Variants in SVIL observed in about 807,000 individuals in gnomAD.
SVIL encodes the protein supervillin, also known as archvillin.
Under a neutral mutation model 240.4 loss-of-function variants are expected in SVIL, and 101 were observed. That is an observed-to-expected ratio of 0.42 (90% CI 0.36 to 0.50). SVIL has a LOEUF of 0.50. SVIL is among the 20% of genes least tolerant of loss of function. The probability of loss-of-function intolerance (pLI) is 0.01; values close to 1 mark genes in which losing one functional copy is unlikely to be tolerated. For synonymous variants in SVIL, 999 were observed against 1,100.0 expected (o/e 0.91, Z 1.82); for missense variants, 2,512 against 2,818.7 (o/e 0.89, Z 2.46).
At chr10:29,653,468 C>G (rs917839294) in intron 3 of SVIL, among the ~76,000 whole-genome samples, 1 of 152,172 alleles carries the variant, frequency 6.6e-6, no homozygotes, top group African/African-American at 2.4e-5. Context: ...ATTACCCAGT[C>G]TCAGGTAGTT....
At chr10:29,667,083 T>C (rs970566113) in intron 2 of SVIL, among the ~76,000 whole-genome samples, 4 of 152,148 alleles carry the variant, frequency 2.6e-5, no homozygotes, top group African/African-American at 9.7e-5. Context: ...CAGGTGTTTC[T>C]TCTTTTTTTC....
At chr10:29,672,375 T>C (rs1959845848) in intron 2 of SVIL, among the ~76,000 whole-genome samples, 1 of 152,002 alleles carries the variant, frequency 6.6e-6, no homozygotes, top group Admixed American at 6.5e-5. Context: ...TAACCAGAAA[T>C]GCCATCCTGG....
At chr10:29,656,396 G>A (rs1354287878) in intron 3 of SVIL, among the ~76,000 whole-genome samples, 1 of 151,504 alleles carries the variant, frequency 6.6e-6, no homozygotes, top group Non-Finnish European at 1.5e-5. Context: ...CTCCATTCAT[G>A]CAACCACAGA....
intron 3 of SVIL, among the ~76,000 whole-genome samples, chr10:29,562,778 A>G (rs1054042205): frequency 8.7e-5 from 13 of 149,048 alleles, no homozygotes; most frequent in African/African-American, 2.7e-4. Flanking sequence ...AGAAAAAAAA[A>G]AAAAAAAAAA....
At chr10:29,590,269 T>A (rs1956339874) in intron 1 of SVIL, among the ~76,000 whole-genome samples, 1 of 150,930 alleles carries the variant, frequency 6.6e-6, no homozygotes, top group Non-Finnish European at 1.5e-5. Flanking sequence ...CCAGACCTCC[T>A]GTCCCGTGGC....
chr10:29,623,271 G>T (rs1039097135), intron 1 of SVIL, among the ~76,000 whole-genome samples: 12 of 152,220 alleles, frequency 7.9e-5, no homozygotes, highest in African/African-American at 2.9e-4. Flanking sequence ...TCCAACAAAA[G>T]GGGCCACTGC....
intron 16 of SVIL, among the ~76,000 whole-genome samples, chr10:29,517,631 C>A (rs1250817317): frequency 6.6e-6 from 1 of 152,050 alleles, no homozygotes. Flanking sequence ...GGGGCGGGGG[C>A]CGGCAGGCGG....
chr10:29,510,952 G>T (rs1479450948), intron 17 of SVIL, among the ~76,000 whole-genome samples: 1 of 121,080 alleles, frequency 8.3e-6, no homozygotes, highest in Admixed American at 8.2e-5. Flanking sequence ...GGGCTACAAA[G>T]GCCTAAAATA....
At chr10:29,563,953 T>C (rs1954740081) in intron 2 of SVIL, among the ~76,000 whole-genome samples, 1 of 152,030 alleles carries the variant, frequency 6.6e-6, no homozygotes, top group Admixed American at 6.6e-5. Context: ...TCTCCCCATG[T>C]ATCCCCCAGG....
intron 1 of SVIL, among the ~76,000 whole-genome samples, chr10:29,699,665 C>T (rs920371712): frequency 6.6e-6 from 1 of 152,166 alleles, no homozygotes; most frequent in Non-Finnish European, 1.5e-5. Context: ...CTCACAAAGA[C>T]GTTTTGCTTT....
In SVIL at chr10:29,634,935, G is replaced by A. The variant is rs956794275; in HGVS notation, c.-716C>T. ...CTGGGCAAATCCACATGAAACCTGA[G>A]GACACTTCAGCCTGGGGAGGACGCA... On this transcript the variant is annotated 5_prime_UTR_variant, in exon 1 of 38. Transcript: ENST00000355867. 2 of 152,164 alleles carry A rather than the reference G, an allele frequency of 1.3e-5. No individual in the cohort carries two copies. Among genetic ancestry groups the A allele is most frequent in the Admixed American group, 1.3e-4 (2 of 15,272 alleles). 9.4% of individuals were successfully genotyped at this position (152,164 alleles called of 1,614,324 possible).
upstream of SVIL, among the ~76,000 whole-genome samples, chr10:29,638,013 T>C (rs1031697886): frequency 6.6e-6 from 1 of 152,084 alleles, no homozygotes; most frequent in African/African-American, 2.4e-5. Flanking sequence ...TCTGGAACTC[T>C]TCTATTGGAT....
chr10:29,467,538 A>C (rs1316733665), intron 33 of SVIL, among the ~76,000 whole-genome samples: 1 of 152,158 alleles, frequency 6.6e-6, no homozygotes, highest in Non-Finnish European at 1.5e-5. Flanking sequence ...CACACTGAAG[A>C]ATTAAGATAA....
At position 29,522,559 on chromosome 10, in the gene SVIL, G is replaced by A. The variant is rs1188750319; in HGVS notation, c.3240C>T (p.Pro1080=). 1.4e-5 allele frequency: 23 copies of A among 1,614,052 alleles called. No individual in the cohort carries two copies. The highest frequency in any genetic ancestry group is 1.9e-5 in the Non-Finnish European group (23 of 1,180,042). Residue 1080 remains proline (P), a synonymous_variant, in exon 16 of 38, where the codon CCC becomes CCT. Coordinates refer to ENST00000355867, the MANE Select transcript of SVIL (RefSeq NM_021738.3). The stretch of plus-strand genomic sequence containing the variant: ...AAGAATCCTGGGGCTTCCAGGACAC[G>A]GGGGCTGTGGTTTGAGCAATAGTTT... ...AGKTIAQTTA[P]VSWKPQDSSE...
chr10:29,480,486 G>C, intron 29 of SVIL, 51 bp downstream of exon 29: 1 of 1,595,696 alleles, frequency 6.3e-7, no homozygotes, highest in Non-Finnish European at 8.5e-7. Flanking sequence ...CTCCCGCAGG[G>C]CTGCCGGGCC....
intron 28 of SVIL, among the ~76,000 whole-genome samples, 191 bp downstream of exon 28, chr10:29,481,393 C>G (rs1469348780): frequency 2.0e-5 from 3 of 151,906 alleles, no homozygotes; most frequent in Admixed American, 6.6e-5. Flanking sequence ...AGTGGGGTGA[C>G]TGTTTTCCAA....
intron 15 of SVIL, 38 bp from the exon 16 acceptor site, chr10:29,522,673 C>T: frequency 6.3e-7 from 1 of 1,596,654 alleles, no homozygotes; most frequent in Non-Finnish European, 8.5e-7. Flanking sequence ...CTGAACTCCT[C>T]AGGCAAACAT....
At chr10:29,480,977 A>G (rs1946766317) in intron 28 of SVIL, among the ~76,000 whole-genome samples, 164 bp from the exon 29 acceptor site, 2 of 152,172 alleles carry the variant, frequency 1.3e-5, no homozygotes, top group South Asian at 4.1e-4. Flanking sequence ...CATTTCCAGA[A>G]AGACTCTGGG....
At chr10:29,673,581 GAGAGA>G (rs1233394865) in intron 2 of SVIL, among the ~76,000 whole-genome samples, 3 of 81,248 alleles carry the variant, frequency 3.7e-5, no homozygotes, top group African/African-American at 1.6e-4. Context: ...CATTAGGGGG[GAGAGA>G]GAGAGAGAGA....
Sources: allele counts gnomAD v4.1 joint callset (sites outside exome capture counted in the v4.1 genomes callset), GRCh38; gene constraint gnomAD v4.1.1; transcripts MANE v1.5; gene names NCBI Gene and HGNC (gene_info 2026-07-23, HGNC 2026-07-21).